The following XKR4 variants were observed in gnomAD, a reference collection of about 807,000 sequenced individuals.
XKR4 encodes the protein XK-related protein 4.
Under a neutral mutation model 53.9 loss-of-function variants are expected in XKR4, and 12 were observed. That is an observed-to-expected ratio of 0.22 (90% CI 0.14 to 0.36). The LOEUF (loss-of-function observed/expected upper bound fraction) is 0.36, where lower values mean the gene tolerates loss of function less well. XKR4 is among the 10% of genes least tolerant of loss of function. XKR4 has a pLI of 1.00. For missense variants in XKR4, 799 were observed against 859.5 expected (o/e 0.93, Z 0.88); for synonymous variants, 354 against 362.4 (o/e 0.98, Z 0.26).
At chr8:55,303,111 C>T (rs770975593) in intron 1 of XKR4, among the ~76,000 whole-genome samples, 8 of 152,290 alleles carry the variant, frequency 5.3e-5, no homozygotes, top group Middle Eastern at 6.8e-3. Context: ...TTTGCCCATT[C>T]AGTATGATAT....
intron 2 of XKR4, among the ~76,000 whole-genome samples, chr8:55,479,944 G>T (rs189769808): frequency 1.3e-5 from 2 of 152,140 alleles, no homozygotes; most frequent in South Asian, 4.1e-4. Context: ...AGGACCAGAC[G>T]GATTCACTGC....
At chr8:55,360,545 T>C (rs1450563373) in intron 2 of XKR4, among the ~76,000 whole-genome samples, 1 of 152,248 alleles carries the variant, frequency 6.6e-6, no homozygotes, top group African/African-American at 2.4e-5. Flanking sequence ...CTGCTATGAA[T>C]GTAAATAATC....
rs1585598341 is a variant in XKR4, at chr8:55,480,948, C to A, written c.1007-42333C>A. On this transcript the variant is annotated intron_variant, in intron 2 of 2. Coordinates refer to ENST00000327381, the MANE Select transcript of XKR4 (RefSeq NM_052898.2). ...TCCATGCTCATGGGTAGGAAGAATC[C>A]ATATCATGAAAATGGACATACTGCA... 2.6e-5 allele frequency among the ~76,000 whole-genome samples: 4 copies of A among 152,024 alleles called. No homozygotes were observed. The East Asian group carries it at 5.8e-4, about 22-fold the overall frequency.
At chr8:55,127,883 A>C (rs1816495657) in intron 1 of XKR4, among the ~76,000 whole-genome samples, 1 of 152,066 alleles carries the variant, frequency 6.6e-6, no homozygotes, top group Non-Finnish European at 1.5e-5. Flanking sequence ...TTCCAGTTAC[A>C]ACCATGTTCC....
intron 2 of XKR4, among the ~76,000 whole-genome samples, chr8:55,521,411 A>G (rs1353421248): frequency 6.6e-6 from 1 of 151,234 alleles, no homozygotes; most frequent in East Asian, 1.9e-4. Context: ...CCCCTCTTTC[A>G]CTCCAGAATT....
intron 1 of XKR4, among the ~76,000 whole-genome samples, chr8:55,299,537 G>A (rs1417880296): frequency 6.6e-6 from 1 of 152,178 alleles, no homozygotes; most frequent in East Asian, 1.9e-4. Flanking sequence ...ATGTCTTAAA[G>A]ATAATTTAGT....
intron 2 of XKR4, among the ~76,000 whole-genome samples, chr8:55,363,694 C>T (rs1470421127): frequency 6.6e-6 from 1 of 152,146 alleles, no homozygotes. Context: ...CCAACGCCTT[C>T]CTCCTTTGCC....
At chr8:55,131,975 AGAG>A (rs893165918) in intron 1 of XKR4, among the ~76,000 whole-genome samples, 2 of 152,216 alleles carry the variant, frequency 1.3e-5, no homozygotes, top group African/African-American at 4.8e-5. Context: ...TGTCTGCCCT[AGAG>A]GAGCAGTTTC....
At chr8:55,480,936 G>A (rs1357103100) in intron 2 of XKR4, among the ~76,000 whole-genome samples, 3 of 152,144 alleles carry the variant, frequency 2.0e-5, no homozygotes, top group Non-Finnish European at 4.4e-5. Flanking sequence ...ATGCTCATGG[G>A]TAGGAAGAAT....
intron 2 of XKR4, among the ~76,000 whole-genome samples, chr8:55,361,760 G>A (rs565888218): frequency 6.6e-6 from 1 of 152,146 alleles, no homozygotes; most frequent in East Asian, 1.9e-4. Context: ...CTGCAACCAC[G>A]CTGCGCTCCT....
Position 55,183,371 on chromosome 8 carries a change from C to T in XKR4, c.806+80077C>T, listed in dbSNP as rs531937551. Among the ~76,000 whole-genome samples the T allele has an allele frequency of 4.1e-3, 617 of 151,766 alleles. 9 individuals carry two copies. Among genetic ancestry groups the T allele is most frequent in the Non-Finnish European group, 6.8e-3 (464 of 67,906 alleles). ...ATGTAATCATCAATGCTACTTTTCT[C>T]TTATCACTTTTCTCTAATGCTGCTT... On this transcript the variant is annotated intron_variant, in intron 1 of 2. Coordinates refer to ENST00000327381, the MANE Select transcript of XKR4 (RefSeq NM_052898.2).
chr8:55,286,367 A>G (rs1818906741), intron 1 of XKR4, among the ~76,000 whole-genome samples: 1 of 152,196 alleles, frequency 6.6e-6, no homozygotes, highest in South Asian at 2.1e-4. Context: ...CTACTGTTGG[A>G]CACCGCAGGG....
intron 1 of XKR4, among the ~76,000 whole-genome samples, chr8:55,205,946 T>C (rs1203031330): frequency 6.6e-6 from 1 of 152,164 alleles, no homozygotes; most frequent in Non-Finnish European, 1.5e-5. Flanking sequence ...TTCTGGTGGG[T>C]TCGTGGTCTC....
rs1409181595 is a variant in XKR4, at chr8:55,521,896, A to T, written c.1007-1385A>T. Among the ~76,000 whole-genome samples the T allele has an allele frequency of 2.6e-5, 4 of 152,242 alleles. No individual in the cohort carries two copies. In the East Asian group the frequency reaches 7.7e-4, roughly 29 times the overall value. On this transcript the variant is annotated intron_variant, in intron 2 of 2. Transcript: ENST00000327381. ...CTTGGCAATCAACATATCTTCTATT[A>T]TATCCAAAAGAAGAGAAAGGCTTTA... is the stretch of plus-strand genomic sequence containing the variant.
At chr8:55,268,604 T>G (rs1818644356) in intron 1 of XKR4, among the ~76,000 whole-genome samples, 1 of 152,194 alleles carries the variant, frequency 6.6e-6, no homozygotes, top group Non-Finnish European at 1.5e-5. Context: ...TTTTAGTATA[T>G]GTTCCTTCCC....
chr8:55,219,218 C>T (rs1817847969), intron 1 of XKR4, among the ~76,000 whole-genome samples: 1 of 152,308 alleles, frequency 6.6e-6, no homozygotes, highest in South Asian at 2.1e-4. Context: ...TTGTTGTTTG[C>T]CGGGCCCTTA....
At chr8:55,352,311 G>A (rs2129383733) in intron 1 of XKR4, among the ~76,000 whole-genome samples, 1 of 152,344 alleles carries the variant, frequency 6.6e-6, no homozygotes, top group Non-Finnish European at 1.5e-5. Flanking sequence ...AAAGGCACGA[G>A]GTGTGGATTC....
chr8:55,479,883 G>C (rs1457166883), intron 2 of XKR4, among the ~76,000 whole-genome samples: 1 of 152,116 alleles, frequency 6.6e-6, no homozygotes, highest in Non-Finnish European at 1.5e-5. Flanking sequence ...CCAATAACAG[G>C]CTCTGAAAAT....
intron 2 of XKR4, among the ~76,000 whole-genome samples, chr8:55,407,831 T>C (rs540649983): frequency 6.6e-6 from 1 of 152,372 alleles, no homozygotes; most frequent in East Asian, 1.9e-4. Context: ...TGCTTTTATT[T>C]TTGCTTTTAC....
Sources: allele counts gnomAD v4.1 joint callset (sites outside exome capture counted in the v4.1 genomes callset), GRCh38; gene constraint gnomAD v4.1.1; transcripts MANE v1.5; gene names NCBI Gene and HGNC (gene_info 2026-07-23, HGNC 2026-07-21).